Variants in LARGE1 observed in about 807,000 individuals in gnomAD.
LARGE1 encodes the protein LARGE xylosyl- and glucuronyltransferase 1, also known as xylosyl- and glucuronyltransferase LARGE1.
LARGE1 carries 43 observed loss-of-function variants against 87.6 expected under a neutral mutation model. That is an observed-to-expected ratio of 0.49 (90% confidence interval 0.38 to 0.63). LARGE1 has a LOEUF of 0.63. Among genes scored for constraint, LARGE1 ranks in the 30% least tolerant of loss-of-function variants. The pLI, the probability that LARGE1 is intolerant of heterozygous loss-of-function variation, is 0.00. For synonymous variants in LARGE1, 434 were observed against 394.6 expected (o/e 1.10, Z -1.18); for missense variants, 802 against 1,000.2 (o/e 0.80, Z 2.67).
intron 1 of LARGE1, among the ~76,000 whole-genome samples, chr22:33,766,201 C>T (rs1232752238): frequency 1.3e-5 from 2 of 152,160 alleles, no homozygotes; most frequent in Non-Finnish European, 2.9e-5. Context: ...AATCTGCTGT[C>T]TCCCTACTGC....
chr22:33,725,191 G>A, intron 2 of LARGE1: 1 of 152,952 alleles, frequency 6.5e-6, no homozygotes, highest in East Asian at 1.9e-4. Flanking sequence ...GGAAAGGCCA[G>A]CGGTCAGGTC....
intron 6 of LARGE1, among the ~76,000 whole-genome samples, chr22:33,457,785 G>T (rs992754039): frequency 6.6e-6 from 1 of 152,178 alleles, no homozygotes; most frequent in Admixed American, 6.5e-5. Flanking sequence ...TTATTGGGCA[G>T]AGTGGGAGGT....
chr22:33,087,692 T>C, the LARGE1 span, among the ~76,000 whole-genome samples: 4 of 152,202 alleles, frequency 2.6e-5, no homozygotes, highest in Non-Finnish European at 5.9e-5. Context: ...CCCAGCACTT[T>C]GGGAGGCCAA....
At chr22:33,904,923 T>TG (rs1211817807) in intron 1 of LARGE1, among the ~76,000 whole-genome samples, 1 of 150,434 alleles carries the variant, frequency 6.6e-6, no homozygotes, top group Non-Finnish European at 1.5e-5. Flanking sequence ...GAAATACTGA[T>TG]GTCCTTTAAA....
chr22:33,087,467 T>C, the LARGE1 span, among the ~76,000 whole-genome samples: 7 of 152,160 alleles, frequency 4.6e-5, no homozygotes, highest in Non-Finnish European at 1.0e-4. Context: ...GATGTACTTA[T>C]GCATAATAGT....
intron 6 of LARGE1, among the ~76,000 whole-genome samples, chr22:33,454,499 C>T (rs546635265): frequency 2.0e-5 from 3 of 151,520 alleles, no homozygotes; most frequent in Non-Finnish European, 2.9e-5. Flanking sequence ...CGTGCCTGTA[C>T]TCCCAGCTAC....
the LARGE1 span, among the ~76,000 whole-genome samples, chr22:33,068,070 T>C: frequency 6.6e-6 from 1 of 152,208 alleles, no homozygotes; most frequent in Non-Finnish European, 1.5e-5. Flanking sequence ...TTATATGTCC[T>C]GTCCTGAAAT....
chr22:33,412,219 G>C (rs963988489), intron 7 of LARGE1, among the ~76,000 whole-genome samples: 1 of 152,106 alleles, frequency 6.6e-6, no homozygotes, highest in Non-Finnish European at 1.5e-5. Context: ...GGGAGGCGGA[G>C]GTTGCAGTGA....
At chr22:33,116,530 A>AT in the LARGE1 span, among the ~76,000 whole-genome samples, 3,384 of 137,374 alleles carry the variant, frequency 0.025, 41 homozygotes, top group Non-Finnish European at 0.036. Context: ...AATTTTTTGT[A>AT]TTTTTTTTTT....
intron 2 of LARGE1, among the ~76,000 whole-genome samples, chr22:33,728,077 C>T (rs113197454): frequency 0.02 from 2,975 of 152,196 alleles, 86 homozygotes; most frequent in African/African-American, 0.069. Flanking sequence ...TGCTCAAAGC[C>T]CTTGAAATGA....
chr22:33,269,090 TA>T (rs1231729522), downstream of LARGE1, among the ~76,000 whole-genome samples: 1 of 152,150 alleles, frequency 6.6e-6, no homozygotes, highest in African/African-American at 2.4e-5. Flanking sequence ...TGTTATGTTT[TA>T]AAAAAATACA....
intron 7 of LARGE1, among the ~76,000 whole-genome samples, chr22:33,395,513 T>C (rs2065708727): frequency 6.6e-6 from 1 of 152,214 alleles, no homozygotes; most frequent in Non-Finnish European, 1.5e-5. Flanking sequence ...TTTAAAACTT[T>C]TTTAGCAAAG....
At chr22:33,811,627 T>C (rs565482248) in intron 1 of LARGE1, among the ~76,000 whole-genome samples, 60 of 152,080 alleles carry the variant, frequency 3.9e-4, no homozygotes, top group Non-Finnish European at 6.5e-4. Flanking sequence ...ATTTGGTATA[T>C]AGAGGTGGGG....
intron 1 of LARGE1, among the ~76,000 whole-genome samples, chr22:33,862,245 G>C (rs756327291): frequency 2.6e-5 from 4 of 152,088 alleles, no homozygotes; most frequent in African/African-American, 4.8e-5. Flanking sequence ...CAAACCCCTG[G>C]GAAGAAAACA....
chr22:33,165,137 T>C (rs540014672), exon 12 of LARGE1: 2 of 152,192 alleles, frequency 1.3e-5, no homozygotes, highest in Non-Finnish European at 2.9e-5. Context: ...TGTGTACCAC[T>C]GAATCTAAAA....
chr22:33,322,964 T>C (rs1210593587), intron 10 of LARGE1, among the ~76,000 whole-genome samples: 1 of 151,874 alleles, frequency 6.6e-6, no homozygotes, highest in African/African-American at 2.4e-5. Context: ...CTACTAAAAA[T>C]ACAAAAAATT....
At chr22:33,245,817 G>C (rs556582827) in intron 11 of LARGE1, among the ~76,000 whole-genome samples, 49 of 152,308 alleles carry the variant, frequency 3.2e-4, no homozygotes, top group African/African-American at 1.2e-3. Context: ...GCTGAGGCAG[G>C]AGAATCACTT....
chr22:33,422,013 C>T (rs766727407), intron 7 of LARGE1, among the ~76,000 whole-genome samples: 2 of 152,226 alleles, frequency 1.3e-5, no homozygotes, highest in Non-Finnish European at 2.9e-5. Flanking sequence ...AGCAGGCTTT[C>T]AGCTGGCCGA....
At position 33,612,478 on chromosome 22, in the gene LARGE1, A is replaced by G. The variant is rs183312073; in HGVS notation, c.492-7920T>C. On this transcript the variant is annotated intron_variant, in intron 4 of 14. Transcript: ENST00000397394. ...ATAGGGCTAACTACAGGACTTGAAT[A>G]TGTGCAGATTCTGGATATGTGGGTT... Among the ~76,000 whole-genome samples, 25 of 152,324 alleles carry G rather than the reference A, an allele frequency of 1.6e-4. No homozygotes were observed. In the South Asian group the frequency reaches 2.5e-3, roughly 15 times the overall value.
Sources: allele counts gnomAD v4.1 joint callset (sites outside exome capture counted in the v4.1 genomes callset), GRCh38; gene constraint gnomAD v4.1.1; transcripts MANE v1.5; gene names NCBI Gene and HGNC (gene_info 2026-07-23, HGNC 2026-07-21).